Variants in LGSN observed in about 807,000 individuals in gnomAD.
The protein encoded by LGSN is lengsin.
Under a neutral mutation model 19.5 loss-of-function variants are expected in LGSN, and 21 were observed. That is an observed-to-expected ratio of 1.07 (90% CI 0.76 to 1.55). LGSN has a LOEUF of 1.55. Ranked by LOEUF, LGSN falls within the 40% of genes most tolerant of loss-of-function variation. LGSN has a pLI of 0.00. For missense variants in LGSN, 673 were observed against 608.5 expected (o/e 1.11, Z -1.12); for synonymous variants, 257 against 215.6 (o/e 1.19, Z -1.68).
the LGSN span, among the ~76,000 whole-genome samples, chr6:63,558,089 C>A: frequency 5.9e-5 from 9 of 152,002 alleles, no homozygotes; most frequent in Non-Finnish European, 1.0e-4. Flanking sequence ...CCAGGCTGGT[C>A]TCGAACTCCT....
At chr6:63,374,464 A>T in the LGSN span, among the ~76,000 whole-genome samples, 1 of 152,212 alleles carries the variant, frequency 6.6e-6, no homozygotes, top group African/African-American at 2.4e-5. Context: ...GATGTCATTG[A>T]TTCTAAGATG....
chr6:63,474,469 C>T, the LGSN span, among the ~76,000 whole-genome samples: 10 of 151,870 alleles, frequency 6.6e-5, no homozygotes, highest in Non-Finnish European at 1.5e-4. Context: ...ATTAGCTGGG[C>T]ATGGTGGCAG....
At chr6:63,494,085 G>C in the LGSN span, among the ~76,000 whole-genome samples, 1 of 151,948 alleles carries the variant, frequency 6.6e-6, no homozygotes, top group Non-Finnish European at 1.5e-5. Context: ...AAGTAGCTGG[G>C]ATTACAGGCA....
At chr6:63,499,636 T>C in the LGSN span, among the ~76,000 whole-genome samples, 43 of 152,178 alleles carry the variant, frequency 2.8e-4, no homozygotes, top group African/African-American at 1.0e-3. Flanking sequence ...AATTTCCAGT[T>C]CAGCGCAATC....
chr6:63,286,609 C>T (rs180704540), intron 2 of LGSN, among the ~76,000 whole-genome samples: 17 of 152,296 alleles, frequency 1.1e-4, no homozygotes, highest in Non-Finnish European at 2.1e-4. Flanking sequence ...TTGATTCATG[C>T]TGGGTGGCTT....
intron 3 of LGSN, among the ~76,000 whole-genome samples, chr6:63,282,457 G>T (rs908300391): frequency 5.9e-5 from 9 of 152,250 alleles, no homozygotes; most frequent in African/African-American, 2.2e-4. Flanking sequence ...TTGGTGTCTG[G>T]TGAGGGCTGC....
the LGSN span, among the ~76,000 whole-genome samples, chr6:63,357,066 G>A: frequency 6.9e-6 from 1 of 145,116 alleles, no homozygotes; most frequent in South Asian, 2.1e-4. Context: ...CCACCTATGA[G>A]TGAGAACATG....
At chr6:63,452,479 AT>A in the LGSN span, among the ~76,000 whole-genome samples, 3 of 151,978 alleles carry the variant, frequency 2.0e-5, no homozygotes, top group Non-Finnish European at 2.9e-5. Context: ...GGCTATTCAG[AT>A]TTTCTGTCTC....
At chr6:63,558,610 A>G in the LGSN span, among the ~76,000 whole-genome samples, 1 of 152,218 alleles carries the variant, frequency 6.6e-6, no homozygotes, top group Non-Finnish European at 1.5e-5. Context: ...AGTTCATCCC[A>G]TGGAAATATA....
intron 1 of LGSN, among the ~76,000 whole-genome samples, chr6:63,308,316 C>G (rs550830550): frequency 1.3e-5 from 2 of 152,188 alleles, no homozygotes; most frequent in Non-Finnish European, 2.9e-5. Flanking sequence ...CTCTTACATT[C>G]AAGTTCATTA....
At chr6:63,312,467 A>G (rs1213653581) in intron 1 of LGSN, among the ~76,000 whole-genome samples, 1 of 152,206 alleles carries the variant, frequency 6.6e-6, no homozygotes, top group Non-Finnish European at 1.5e-5. Context: ...GGTAAATTAT[A>G]TAGTATCCCT....
chr6:63,371,339 C>T, the LGSN span, among the ~76,000 whole-genome samples: 124 of 152,356 alleles, frequency 8.1e-4, no homozygotes, highest in Non-Finnish European at 1.4e-3. Context: ...CTTCTATCAA[C>T]ACTTTTATAA....
the LGSN span, among the ~76,000 whole-genome samples, chr6:63,490,330 C>T: frequency 6.6e-6 from 1 of 152,220 alleles, no homozygotes; most frequent in South Asian, 2.1e-4. Flanking sequence ...ATGTATGATA[C>T]CTACCTCCGT....
the LGSN span, among the ~76,000 whole-genome samples, chr6:63,442,257 CG>C: frequency 6.6e-6 from 1 of 152,250 alleles, no homozygotes; most frequent in Admixed American, 6.5e-5. Flanking sequence ...ATAAAGGCGG[CG>C]TAGACCCAAA....
At chr6:63,488,700 C>T in the LGSN span, among the ~76,000 whole-genome samples, 3 of 152,190 alleles carry the variant, frequency 2.0e-5, no homozygotes, top group South Asian at 6.2e-4. Context: ...TGCCTGTAAT[C>T]CCAGCTACTT....
chr6:63,503,142 T>TA, the LGSN span, among the ~76,000 whole-genome samples: 1 of 152,182 alleles, frequency 6.6e-6, no homozygotes, highest in African/African-American at 2.4e-5. Flanking sequence ...CTGCAGGCTT[T>TA]AAAAAAATGT....
At chr6:63,294,325 A>G (rs1767892195) in intron 2 of LGSN, among the ~76,000 whole-genome samples, 2 of 152,058 alleles carry the variant, frequency 1.3e-5, no homozygotes, top group Admixed American at 6.5e-5. Flanking sequence ...ACAGAGTGAG[A>G]CTCTGTCTCA....
chr6:63,371,977 A>T, the LGSN span, among the ~76,000 whole-genome samples: 1 of 152,190 alleles, frequency 6.6e-6, no homozygotes, highest in Admixed American at 6.5e-5. Context: ...CTTTTACTCT[A>T]ATCTATGCTT....
upstream of LGSN, among the ~76,000 whole-genome samples, chr6:63,323,445 C>A (rs549906501): frequency 2.6e-5 from 4 of 151,886 alleles, no homozygotes; most frequent in Non-Finnish European, 5.9e-5. Context: ...TTTTATAACA[C>A]CATTAATTTT....
Sources: gnomAD v4.1 joint callset for allele counts (sites outside exome capture counted in the v4.1 genomes callset) on GRCh38, gnomAD v4.1.1 for gene constraint, MANE v1.5 for transcripts, NCBI Gene and HGNC (gene_info 2026-07-23, HGNC 2026-07-21) for gene names.